The following TUBGCP6 variants were observed in gnomAD, a reference collection of about 807,000 sequenced individuals.
The protein encoded by TUBGCP6 is tubulin gamma complex component 6.
TUBGCP6 carries 161 observed loss-of-function variants against 175.8 expected under a neutral mutation model. The observed-to-expected ratio is 0.92, with a 90% CI of 0.81 to 1.04. The LOEUF is 1.04. TUBGCP6 is among the 50% of genes least tolerant of loss of function. TUBGCP6 has a pLI of 0.00. For missense variants in TUBGCP6, 2,572 were observed against 2,433.0 expected (o/e 1.06, Z -1.20); for synonymous variants, 1,173 against 1,030.5 (o/e 1.14, Z -2.65).
chr22:50,229,242 C>A (rs1163421947), intron 4 of TUBGCP6, among the ~76,000 whole-genome samples, 162 bp downstream of exon 4: 1 of 152,232 alleles, frequency 6.6e-6, no homozygotes, highest in Non-Finnish European at 1.5e-5. Flanking sequence ...AACATCCTCA[C>A]TGACCCATCC....
rs745309410 is a variant in TUBGCP6 at position 50,221,631 on chromosome 22, C to T, written c.2728G>A (p.Val910Met). 2.6e-5 allele frequency: 40 copies of T among 1,536,592 alleles called. No homozygotes were observed. Among genetic ancestry groups the T allele is most frequent in the Middle Eastern group, 3.5e-4 (2 of 5,690 alleles). The stretch of plus-strand genomic sequence containing the variant: ...AGGAGAGGGACCATGCCAGTCTGCA[C>T]GGACGGCTCAGCCCCTGGGCCCACA... ...LPVGPGAEPSVQTGMVPLLEV... is the reference protein window; with the variant it reads ...LPVGPGAEPSMQTGMVPLLEV... Residue 910 changes from valine (V) to methionine (M), a missense_variant, in exon 16 of 25, where the codon GTG (valine) becomes ATG (methionine). Physicochemically the swap from Val to Met is conservative, Grantham distance 21. Transcript: ENST00000248846.
At chr22:50,226,872 C>G (rs374076516) in intron 6 of TUBGCP6, 30 bp from the exon 7 acceptor site, 2 of 1,562,008 alleles carry the variant, frequency 1.3e-6, no homozygotes, top group Non-Finnish European at 1.7e-6. Context: ...TGGGGGGCAG[C>G]TCAGCGCACC....
rs764678783 is a variant in TUBGCP6 at position 50,226,738 on chromosome 22, G to A, written c.1596C>T (p.Tyr532=). The A allele has an allele frequency of 1.2e-5, 19 of 1,581,654 alleles. No individual in the cohort carries two copies. Among genetic ancestry groups the A allele is most frequent in the Admixed American group, 1.9e-5 (1 of 53,596 alleles). The change falls in exon 7 of 25, where the codon TAC becomes TAT. Residue 532 remains tyrosine (Y), a synonymous_variant. Coordinates refer to ENST00000248846, the MANE Select transcript of TUBGCP6 (RefSeq NM_020461.4). ...CTGCCCAGCCCACTGCCCACCGGGTGTAGGGCTCGCAGCTGGTCTTCAGCA... is the reference window on the plus strand; with the variant it reads ...CTGCCCAGCCCACTGCCCACCGGGTATAGGGCTCGCAGCTGGTCTTCAGCA... The part of the protein sequence containing the change: ...LSLLKTSCEP[Y]TRFIHDWVYS...
In TUBGCP6 at chr22:50,219,328, C is replaced by T. The variant is rs754236056; in HGVS notation, c.4444G>A (p.Val1482Met). 21 of 1,600,146 alleles carry T rather than the reference C, an allele frequency of 1.3e-5. No homozygotes were observed. The highest frequency in any genetic ancestry group is 2.2e-5 in the South Asian group (2 of 88,970). ...VQLSELLTLP[V>M]LMKRSITAPL... ...GCCGTGATGGAGCGCTTCATGAGCA[C>T]GGGCAGCGTCAGCAACTCGCTCAGC... The change falls in exon 19 of 25, where the codon GTG becomes ATG. Residue 1482 changes from valine (V) to methionine (M), a missense_variant. Val to Met is a conservative substitution (Grantham distance 21). Coordinates refer to ENST00000248846, the MANE Select transcript of TUBGCP6 (RefSeq NM_020461.4).
intron 1 of TUBGCP6, 100 bp downstream of exon 1, chr22:50,243,617 CAA>C (rs375302946): frequency 7.5e-3 from 4,086 of 545,432 alleles, no homozygotes; most frequent in Admixed American, 0.012. Flanking sequence ...GACACTGTCT[CAA>C]AAAAAAAAAA....
chr22:50,240,182 C>G, intron 2 of TUBGCP6, 22 bp downstream of exon 2: 1 of 1,612,800 alleles, frequency 6.2e-7, no homozygotes, highest in Non-Finnish European at 8.5e-7. Flanking sequence ...CACTGCATGC[C>G]AAGGCAAAGA....
At chr22:50,227,451 C>T (rs1178035422) in intron 5 of TUBGCP6, among the ~76,000 whole-genome samples, 1 of 152,182 alleles carries the variant, frequency 6.6e-6, no homozygotes, top group Non-Finnish European at 1.5e-5. Context: ...CACAGCCCAG[C>T]TCCCCTGCCC....
At chr22:50,227,112 G>A (rs756346094) in intron 5 of TUBGCP6, 35 bp from the exon 6 acceptor site, 47 of 1,581,830 alleles carry the variant, frequency 3.0e-5, no homozygotes, top group African/African-American at 4.0e-5. Flanking sequence ...CAGGTGACCG[G>A]GCTCAGGGTT....
At chr22:50,231,105 A>AT (rs2064683175) in intron 3 of TUBGCP6, among the ~76,000 whole-genome samples, 1 of 147,562 alleles carries the variant, frequency 6.8e-6, no homozygotes, top group Non-Finnish European at 1.5e-5. Flanking sequence ...AAAAAAAAAA[A>AT]GCAGTTAAAC....
Position 50,218,772 on chromosome 22 carries a change from G to C in TUBGCP6, c.4752C>G (p.Leu1584=). 2 of 1,614,120 alleles carry C rather than the reference G, an allele frequency of 1.2e-6. No individual in the cohort carries two copies. Among genetic ancestry groups the C allele is most frequent in the Non-Finnish European group, 8.5e-7 (1 of 1,180,010 alleles). ...GGGCAAACACCTCGGGCAGGTACTT[G>C]AGAGCGAGGGAGAGGTTGGAGGCGT... is the stretch of plus-strand genomic sequence containing the variant. ...TPHASNLSLA[L]KYLPEVFAPN... Residue 1584 remains leucine (L), a synonymous_variant, in exon 21 of 25, where the codon CTC becomes CTG. Coordinates refer to ENST00000248846, the MANE Select transcript of TUBGCP6 (RefSeq NM_020461.4).
chr22:50,226,877 C>A, intron 6 of TUBGCP6, 35 bp from the exon 7 acceptor site: 1 of 1,559,316 alleles, frequency 6.4e-7, no homozygotes, highest in East Asian at 2.3e-5. Flanking sequence ...GGCAGCTCAG[C>A]GCACCCAGCG....
intron 6 of TUBGCP6, 77 bp from the exon 7 acceptor site, chr22:50,226,919 G>A (rs2064620659): frequency 6.4e-7 from 1 of 1,556,892 alleles, no homozygotes; most frequent in African/African-American, 1.4e-5. Flanking sequence ...GCCGGCAGCA[G>A]CCCTCCAGGG....
rs773464071 is a variant in TUBGCP6 at position 50,219,138 on chromosome 22, G to A, written c.4556C>T (p.Ala1519Val). Reference protein sequence around the residue: ...VELHLEAHYEALRHFLLMEDG... With the variant: ...VELHLEAHYEVLRHFLLMEDG... ...CTCCATCAGCAGGAAGTGCCGCAGT[G>A]CCTCATAGTGCGCCTCCAGGTGCAG... The change falls in exon 20 of 25, where the codon GCA (alanine) becomes GTA (valine). Residue 1519 changes from alanine to valine, a missense_variant. Ala to Val is a moderately conservative substitution (Grantham distance 64, BLOSUM62 0). Coordinates refer to ENST00000248846, the MANE Select transcript of TUBGCP6 (RefSeq NM_020461.4). The A allele has an allele frequency of 4.3e-6, 7 of 1,613,094 alleles. No homozygotes were observed. In the South Asian group the frequency reaches 7.7e-5, roughly 18 times the overall value.
At chr22:50,228,271 GCCCCAGGGGCGCCCACCACCAACCC>G (rs2064642099) in intron 4 of TUBGCP6, among the ~76,000 whole-genome samples, 4 of 62,454 alleles carry the variant, frequency 6.4e-5, no homozygotes, top group Admixed American at 1.4e-4. Flanking sequence ...GAGCCCAGCT[GCCCCAGGGGCGCCCACCACCAACCC>G]TTCCTCTCAT....
At position 50,224,374 on chromosome 22, in the gene TUBGCP6, C is replaced by G; in HGVS notation, c.2112G>C (p.Glu704Asp). Reference sequence around the variant, plus strand: ...ATTGTTCTTTCAGCCTCTGAAACTGCTCACGCTTCCGGGCATCCAAGGCCA... The same window carrying G: ...ATTGTTCTTTCAGCCTCTGAAACTGGTCACGCTTCCGGGCATCCAAGGCCA... The part of the protein sequence containing the change: ...ERMALDARKR[E>D]QFQRLKEQFV... Residue 704 changes from glutamate (E) to aspartate (D), a missense_variant, in exon 12 of 25, where the codon GAG becomes GAC. Transcript: ENST00000248846. 6.2e-7 allele frequency: 1 copy of G among 1,614,246 alleles called. No homozygotes were observed. Among genetic ancestry groups the G allele is most frequent in the African/African-American group, 1.3e-5 (1 of 75,060 alleles).
chr22:50,237,070 C>T (rs570920792), intron 2 of TUBGCP6, among the ~76,000 whole-genome samples: 1 of 152,330 alleles, frequency 6.6e-6, no homozygotes, highest in South Asian at 2.1e-4. Flanking sequence ...CAAAATGCTT[C>T]CCCCAGATGG....
intron 3 of TUBGCP6, among the ~76,000 whole-genome samples, chr22:50,232,604 C>T (rs1302056175): frequency 6.6e-6 from 1 of 152,098 alleles, no homozygotes; most frequent in Admixed American, 6.6e-5. Context: ...TAAGGCTATC[C>T]CCACAACAGA....
Position 50,243,630 on chromosome 22 carries a change from A to AG in TUBGCP6, c.741+88_741+89insC. 3.0e-5 allele frequency: 35 copies of AG among 1,153,588 alleles called. No homozygotes were observed. The South Asian group carries it at 4.6e-4, about 15-fold the overall frequency. The allele number at this position is 1,153,588 out of a possible 1,614,324, so 71.5% of individuals were successfully genotyped here. ...GAGACACTGTCTCAAAAAAAAAAAA[A>AG]AAAAGAAGAAGAAGAAGAAGAAGAA... On this transcript the variant is annotated intron_variant, in intron 1 of 24. Transcript: ENST00000248846.
chr22:50,242,186 G>T (rs1406588971), intron 1 of TUBGCP6, among the ~76,000 whole-genome samples: 1 of 152,066 alleles, frequency 6.6e-6, no homozygotes, highest in Non-Finnish European at 1.5e-5. Flanking sequence ...CAGCTACTCA[G>T]GAGGCTGAGG....
Sources: allele counts gnomAD v4.1 joint callset (sites outside exome capture counted in the v4.1 genomes callset), GRCh38; gene constraint gnomAD v4.1.1; transcripts MANE v1.5; gene names NCBI Gene and HGNC (gene_info 2026-07-23, HGNC 2026-07-21).